Variants in GAB2 observed in about 807,000 individuals in gnomAD.
The protein encoded by GAB2 is GRB2-associated-binding protein 2.
GAB2 carries 26 observed loss-of-function variants against 65.5 expected under a neutral mutation model. The ratio of observed to expected loss-of-function variants is 0.40; its 90% CI spans 0.29 to 0.55. The LOEUF (loss-of-function observed/expected upper bound fraction) is 0.55. Ranked by LOEUF, GAB2 falls within the 20% of genes least tolerant of loss-of-function variation. The pLI is 0.53. For missense variants in GAB2, 884 were observed against 875.8 expected (o/e 1.01, Z -0.12); for synonymous variants, 321 against 329.6 (o/e 0.97, Z 0.28).
intron 1 of GAB2, among the ~76,000 whole-genome samples, chr11:78,336,301 C>A (rs1002419739): frequency 7.9e-6 from 1 of 126,756 alleles, no homozygotes; most frequent in African/African-American, 3.1e-5. Context: ...CACTCCAGCC[C>A]GGGCGACAGA....
intron 1 of GAB2, among the ~76,000 whole-genome samples, chr11:78,362,455 A>G (rs11601195): frequency 0.16 from 24,022 of 152,036 alleles, 2,534 homozygotes; most frequent in East Asian, 0.41. Context: ...GAAATTAGAA[A>G]AAGGAAACAA....
At chr11:78,308,149 G>A (rs1387913187) in intron 1 of GAB2, among the ~76,000 whole-genome samples, 2 of 152,176 alleles carry the variant, frequency 1.3e-5, no homozygotes, top group African/African-American at 4.8e-5. Context: ...TATTATAAGT[G>A]TTAAAACAGG....
At chr11:78,317,540 C>T (rs1855633539) in intron 1 of GAB2, among the ~76,000 whole-genome samples, 3 of 113,526 alleles carry the variant, frequency 2.6e-5, no homozygotes, top group Non-Finnish European at 4.9e-5. Flanking sequence ...AGCCTGGCAA[C>T]AGTGCGAGAC....
At chr11:78,403,574 T>C (rs1177632686) in intron 1 of GAB2, among the ~76,000 whole-genome samples, 1 of 152,148 alleles carries the variant, frequency 6.6e-6, no homozygotes, top group Non-Finnish European at 1.5e-5. Flanking sequence ...TTCTCAATAT[T>C]TAAAAATGAA....
intron 1 of GAB2, among the ~76,000 whole-genome samples, chr11:78,337,781 T>C (rs1406310457): frequency 7.9e-6 from 1 of 126,144 alleles, no homozygotes; most frequent in Non-Finnish European, 1.8e-5. Context: ...GTTCCAAACT[T>C]AGCTAAGAAG....
chr11:78,414,298 G>T (rs901879492), intron 1 of GAB2, among the ~76,000 whole-genome samples: 2 of 151,988 alleles, frequency 1.3e-5, no homozygotes, highest in African/African-American at 4.8e-5. Context: ...ACCTGATCCA[G>T]TGCCTGGGAC....
chr11:78,295,190 C>T (rs1212428125), intron 1 of GAB2, among the ~76,000 whole-genome samples: 1 of 152,292 alleles, frequency 6.6e-6, no homozygotes, highest in East Asian at 1.9e-4. Context: ...CATGAGATAC[C>T]ATCTCACACC....
intron 1 of GAB2, among the ~76,000 whole-genome samples, chr11:78,416,674 C>T (rs986988971): frequency 6.6e-6 from 1 of 152,056 alleles, no homozygotes; most frequent in Non-Finnish European, 1.5e-5. Flanking sequence ...ACCCCCACTT[C>T]CAAACTCCCG....
At position 78,317,611 on chromosome 11, in the gene GAB2, G is replaced by T. The variant is rs1298674459; in HGVS notation, c.76-36710C>A. Among the ~76,000 whole-genome samples, 3 of 147,246 alleles carry T rather than the reference G, an allele frequency of 2.0e-5. No homozygotes were observed. In the East Asian group the frequency reaches 6.3e-4, roughly 31 times the overall value. On this transcript the variant is annotated intron_variant, in intron 1 of 9. Coordinates refer to ENST00000361507, the MANE Select transcript of GAB2 (RefSeq NM_080491.3). Reference sequence around the variant, plus strand: ...ATTATGATGGTAAACTTTATGTTATGTGTATTTTATCACAATCAAAAGAAG... The same window carrying T: ...ATTATGATGGTAAACTTTATGTTATTTGTATTTTATCACAATCAAAAGAAG...
chr11:78,357,389 G>C (rs563298243), intron 1 of GAB2, among the ~76,000 whole-genome samples: 22 of 152,188 alleles, frequency 1.4e-4, no homozygotes, highest in African/African-American at 4.8e-4. Context: ...AAAAGCAATG[G>C]CAACAAAAGC....
At chr11:78,411,625 A>G (rs1191657199) in intron 1 of GAB2, among the ~76,000 whole-genome samples, 1 of 152,206 alleles carries the variant, frequency 6.6e-6, no homozygotes, top group East Asian at 1.9e-4. Context: ...TGTCAACAAC[A>G]ATGACAACAA....
intron 1 of GAB2, among the ~76,000 whole-genome samples, chr11:78,398,041 C>CACACACACACACACACAT (rs57095813): frequency 0.029 from 4,416 of 151,458 alleles, 126 homozygotes; most frequent in African/African-American, 0.069. Flanking sequence ...CACACACACA[C>CACACACACACACACACAT]ATCCCTGGCC....
intron 1 of GAB2, among the ~76,000 whole-genome samples, chr11:78,400,705 C>G (rs2135079273): frequency 6.6e-6 from 1 of 152,100 alleles, no homozygotes; most frequent in African/African-American, 2.4e-5. Context: ...GAGTTCGAGA[C>G]CAGCCTGGTC....
At chr11:78,402,774 C>G (rs1028252459) in intron 1 of GAB2, among the ~76,000 whole-genome samples, 4 of 152,080 alleles carry the variant, frequency 2.6e-5, no homozygotes, top group African/African-American at 9.7e-5. Context: ...TAAAAGTCAC[C>G]TTTTAGAAAA....
chr11:78,356,893 T>C (rs889566940), intron 1 of GAB2, among the ~76,000 whole-genome samples: 2 of 152,190 alleles, frequency 1.3e-5, no homozygotes, highest in Admixed American at 1.3e-4. Flanking sequence ...AATAAGCTGG[T>C]CACAAAAGGA....
Position 78,215,698 on chromosome 11 carries a change from T to C in GAB2, c.*3574A>G, listed in dbSNP as rs1456115751. 1 of 152,310 alleles carries C rather than the reference T, an allele frequency of 6.6e-6. No homozygotes were observed. The highest frequency in any genetic ancestry group is 2.1e-4 in the South Asian group (1 of 4,830). 9.4% of individuals were successfully genotyped at this position (152,310 alleles called of 1,614,324 possible). On this transcript the variant is annotated 3_prime_UTR_variant, in exon 10 of 10. Transcript: ENST00000361507. ...AAATCACATGACAGCCTGGATCTCT[T>C]GGGGACCCCCTCGGCAGGTACCCCA...
chr11:78,223,434 G>A lies in GAB2; in HGVS notation c.1545C>T (p.Arg515=). 6.4e-7 allele frequency: 1 copy of A among 1,568,826 alleles called. No homozygotes were observed. Among genetic ancestry groups the A allele is most frequent in the Non-Finnish European group, 8.7e-7 (1 of 1,155,890 alleles). ...GSEIQPPPVN[R]NLKPDRKAKP... ...TACCTTTCCGATCAGGTTTGAGGTTGCGGTTGACAGGGGGTGGCTGAATCT... is the reference window on the plus strand; with the variant it reads ...TACCTTTCCGATCAGGTTTGAGGTTACGGTTGACAGGGGGTGGCTGAATCT... Residue 515 remains arginine, a synonymous_variant, in exon 6 of 10, where the codon CGC becomes CGT. Coordinates refer to ENST00000361507, the MANE Select transcript of GAB2 (RefSeq NM_080491.3).
chr11:78,362,334 T>C (rs1383156233), intron 1 of GAB2, among the ~76,000 whole-genome samples: 1 of 152,170 alleles, frequency 6.6e-6, no homozygotes, highest in African/African-American at 2.4e-5. Context: ...CATGTGCATG[T>C]ATTATCTATT....
chr11:78,308,956 C>G (rs984904971), intron 1 of GAB2, among the ~76,000 whole-genome samples: 5 of 151,996 alleles, frequency 3.3e-5, no homozygotes, highest in African/African-American at 9.7e-5. Context: ...TGGAAAGATG[C>G]TGAGGGTAGG....
Sources: allele counts gnomAD v4.1 joint callset (sites outside exome capture counted in the v4.1 genomes callset), GRCh38; gene constraint gnomAD v4.1.1; transcripts MANE v1.5; gene names NCBI Gene and HGNC (gene_info 2026-07-23, HGNC 2026-07-21).